Variants in GSK3B observed in about 807,000 individuals in gnomAD.
GSK3B encodes glycogen synthase kinase-3 beta.
A neutral mutation model predicts 56.4 loss-of-function variants in GSK3B; 15 were observed. The observed-to-expected ratio is 0.27, with a 90% CI of 0.18 to 0.41. The LOEUF (loss-of-function observed/expected upper bound fraction) is 0.41. Ranked by LOEUF, GSK3B falls within the 10% of genes least tolerant of loss-of-function variation. The probability of loss-of-function intolerance (pLI) is 1.00; values close to 1 mark genes in which losing one functional copy is unlikely to be tolerated. For missense variants in GSK3B, 300 were observed against 513.4 expected, an observed-to-expected ratio of 0.58 and a Z score of 4.02; for synonymous variants, 181 against 188.9, an observed-to-expected ratio of 0.96 and a Z score of 0.34.
At chr3:120,024,237 G>A (rs1336902231) in intron 1 of GSK3B, among the ~76,000 whole-genome samples, 1 of 152,120 alleles carries the variant, frequency 6.6e-6, no homozygotes, top group African/African-American at 2.4e-5. Context: ...TTGGAAGGCT[G>A]AGGTGGGAGA....
intron 1 of GSK3B, among the ~76,000 whole-genome samples, chr3:120,069,482 A>G (rs776045817): frequency 6.6e-6 from 1 of 152,212 alleles, no homozygotes; most frequent in Non-Finnish European, 1.5e-5. Context: ...GGACCATTTA[A>G]GTTAATTCTA....
chr3:119,886,516 C>T (rs2056437860), intron 7 of GSK3B, among the ~76,000 whole-genome samples: 1 of 152,024 alleles, frequency 6.6e-6, no homozygotes, highest in Admixed American at 6.6e-5. Flanking sequence ...CCAGCAATGC[C>T]ATTACTGGGT....
At chr3:119,831,575 T>C (rs2107998735) in intron 10 of GSK3B, among the ~76,000 whole-genome samples, 2 of 150,250 alleles carry the variant, frequency 1.3e-5, no homozygotes, top group East Asian at 3.9e-4. Context: ...GAGAATGGCG[T>C]GAACCTGGGA....
intron 1 of GSK3B, among the ~76,000 whole-genome samples, chr3:120,010,550 CAAA>C (rs927233309): frequency 6.6e-6 from 1 of 151,972 alleles, no homozygotes; most frequent in South Asian, 2.1e-4. Flanking sequence ...ACTGTAACAC[CAAA>C]AAAAGATTTC....
At chr3:119,967,968 G>A (rs1285191085) in intron 2 of GSK3B, among the ~76,000 whole-genome samples, 4 of 151,838 alleles carry the variant, frequency 2.6e-5, no homozygotes, top group Non-Finnish European at 5.9e-5. Flanking sequence ...CAATTCTCCT[G>A]CCTCAGCCTC....
chr3:119,863,388 A>C (rs1484743230), intron 9 of GSK3B, 31 bp downstream of exon 9: 1 of 1,556,858 alleles, frequency 6.4e-7, no homozygotes, highest in African/African-American at 1.4e-5. Flanking sequence ...CTTTCCTAGA[A>C]CTGGTGAAGA....
At chr3:119,946,425 T>C (rs768881972) in intron 3 of GSK3B, among the ~76,000 whole-genome samples, 1 of 152,138 alleles carries the variant, frequency 6.6e-6, no homozygotes, top group Non-Finnish European at 1.5e-5. Flanking sequence ...AGGAATCAAG[T>C]ATTATGGATC....
In GSK3B at chr3:119,847,535, C is replaced by G. The variant is rs2055872537; in HGVS notation, c.1097-4182G>C. ...CCAGTTTAACAGGGGAAAAAAAAAC[C>G]CACATGACAAACCTATATCTCAAAC... On this transcript the variant is annotated intron_variant, in intron 9 of 10. Coordinates refer to ENST00000264235, the MANE Select transcript of GSK3B (RefSeq NM_001146156.2). 3.3e-5 allele frequency among the ~76,000 whole-genome samples: 5 copies of G among 151,962 alleles called. 1 individual carries two copies. In the South Asian group the frequency reaches 1.0e-3, roughly 32 times the overall value.
intron 1 of GSK3B, among the ~76,000 whole-genome samples, chr3:120,018,557 T>C (rs951305531): frequency 2.6e-5 from 4 of 152,234 alleles, no homozygotes; most frequent in Admixed American, 1.3e-4. Flanking sequence ...TATAGTCTTA[T>C]AGTACTCATC....
chr3:119,897,811 A>G, intron 7 of GSK3B, among the ~76,000 whole-genome samples: 1 of 150,366 alleles, frequency 6.7e-6, no homozygotes, highest in East Asian at 1.9e-4. Flanking sequence ...AAAAAAAAAA[A>G]GAAAAAGAAA....
At position 120,021,175 on chromosome 3, in the gene GSK3B, G is replaced by C. The variant is rs1437891991; in HGVS notation, c.89-18936C>G. On this transcript the variant is annotated intron_variant, in intron 1 of 10. Transcript: ENST00000264235. ...AGATTTAGCTAAGACCACTGATGAA[G>C]ATAACTACACTAAACAACTTCTAGA... Among the ~76,000 whole-genome samples, 3 of 152,170 alleles carry C rather than the reference G, an allele frequency of 2.0e-5. No homozygotes were observed. In the East Asian group the frequency reaches 5.8e-4, roughly 29 times the overall value.
At position 119,825,467 on chromosome 3, in the gene GSK3B, T is replaced by C. The variant is rs1239294234; in HGVS notation, c.*1321A>G. The C allele has an allele frequency of 1.3e-5, 3 of 228,478 alleles. No homozygotes were observed. The highest frequency in any genetic ancestry group is 2.2e-5 in the African/African-American group (1 of 44,932). The allele number at this position is 228,478 out of a possible 1,614,324, so 14.2% of individuals were successfully genotyped here. Reference sequence around the variant, plus strand: ...TCATGCTTCAACCAGTCAATTTTGATACTGTAGACAAAAAAAAAGGCAGTA... The same window carrying C: ...TCATGCTTCAACCAGTCAATTTTGACACTGTAGACAAAAAAAAAGGCAGTA... On this transcript the variant is annotated 3_prime_UTR_variant, in exon 11 of 11. Coordinates refer to ENST00000264235, the MANE Select transcript of GSK3B (RefSeq NM_001146156.2).
At position 119,823,843 on chromosome 3, in the gene GSK3B, A is replaced by G. The variant is rs1327701653; in HGVS notation, c.*2945T>C. On this transcript the variant is annotated 3_prime_UTR_variant, in exon 11 of 11. Transcript: ENST00000264235. ...GCAAAGATACTGTTATGAGTGAGTT[A>G]TTATTTCAAAGGGAAAGGGGGTGGA... The G allele has an allele frequency of 5.0e-6, 1 of 200,326 alleles. No individual in the cohort carries two copies. The highest frequency in any genetic ancestry group is 2.3e-5 in the African/African-American group (1 of 43,556). The allele number at this position is 200,326 out of a possible 1,614,324, so 12.4% of individuals were successfully genotyped here.
chr3:119,879,339 C>A (rs1200576351), intron 7 of GSK3B, among the ~76,000 whole-genome samples: 2 of 152,050 alleles, frequency 1.3e-5, no homozygotes, highest in African/African-American at 4.8e-5. Flanking sequence ...CACCACCACG[C>A]CTGGCTAATT....
At chr3:119,826,950 T>G (rs1219147627) in intron 10 of GSK3B, 95 bp from the exon 11 acceptor site, 1 of 752,588 alleles carries the variant, frequency 1.3e-6, no homozygotes, top group Non-Finnish European at 2.3e-6. Flanking sequence ...GTGAACTGTA[T>G]GGCCTTCCAA....
chr3:119,874,695 CATT>C (rs2056290184), intron 8 of GSK3B, among the ~76,000 whole-genome samples: 2 of 51,244 alleles, frequency 3.9e-5, no homozygotes, highest in African/African-American at 6.2e-5. Context: ...ATAAAAATAA[CATT>C]ATTATTAAAG....
chr3:119,859,833 T>C (rs887449529), intron 9 of GSK3B, among the ~76,000 whole-genome samples: 1 of 152,206 alleles, frequency 6.6e-6, no homozygotes, highest in African/African-American at 2.4e-5. Flanking sequence ...ATATCCTGTT[T>C]CAACTCTCAA....
intron 1 of GSK3B, among the ~76,000 whole-genome samples, chr3:120,088,603 C>T (rs188870367): frequency 1.3e-5 from 2 of 152,252 alleles, no homozygotes; most frequent in Admixed American, 1.3e-4. Flanking sequence ...TTCTTGAAAT[C>T]GGGGAAAACT....
chr3:120,031,370 G>T (rs563222587), intron 1 of GSK3B, among the ~76,000 whole-genome samples: 2 of 152,196 alleles, frequency 1.3e-5, no homozygotes, highest in African/African-American at 2.4e-5. Flanking sequence ...TTTAATACTG[G>T]TTAATAAGCT....
Sources: allele counts gnomAD v4.1 joint callset (sites outside exome capture counted in the v4.1 genomes callset), GRCh38; gene constraint gnomAD v4.1.1; transcripts MANE v1.5; gene names NCBI Gene and HGNC (gene_info 2026-07-23, HGNC 2026-07-21).